The following MAN2B1 variants were observed in gnomAD, a reference collection of about 807,000 sequenced individuals.
MAN2B1 encodes mannosidase alpha class 2B member 1, also known as lysosomal alpha-mannosidase.
A neutral mutation model predicts 127.5 loss-of-function variants in MAN2B1; 99 were observed. That is an observed-to-expected ratio of 0.78 (90% confidence interval 0.66 to 0.92). MAN2B1 has a LOEUF of 0.92. MAN2B1 is among the 40% of genes least tolerant of loss of function. MAN2B1 has a pLI of 0.00. For missense variants in MAN2B1, 1,304 were observed against 1,384.8 expected (o/e 0.94, Z 0.93); for synonymous variants, 573 against 568.8 (o/e 1.01, Z -0.11).
rs1408334891 is a variant in MAN2B1, at chr19:12,666,640, G to T, written c.62C>A (p.Pro21His). The change falls in exon 1 of 24, where the codon CCC (proline) becomes CAC (histidine). Residue 21 changes from proline (P) to histidine (H), a missense_variant. Pro to His is a moderately conservative substitution (Grantham distance 77). Transcript: ENST00000456935. ...CARGCLDSAG[P>H]WTMSRALRPP... ...CCGCAGGGCGCGGGACATGGTCCAG[G>T]GGCCTGCTGAGTCCAGGCAGCCGCG... 1.5e-5 allele frequency: 23 copies of T among 1,554,274 alleles called. No homozygotes were observed. Among genetic ancestry groups the T allele is most frequent in the Non-Finnish European group, 2.0e-5 (23 of 1,149,076 alleles).
At chr19:12,649,809 C>G in intron 18 of MAN2B1, 104 bp downstream of exon 18, 1 of 1,011,380 alleles carries the variant, frequency 9.9e-7, no homozygotes, top group Non-Finnish European at 1.6e-6. Flanking sequence ...ACTCTCCCTT[C>G]GTCCTCTGTC....
At position 12,650,115 on chromosome 19, in the gene MAN2B1, C is replaced by A; in HGVS notation, c.2154G>T (p.Pro718=). The change falls in exon 17 of 24, where the codon CCG becomes CCT. Residue 718 remains proline, a synonymous_variant. Coordinates refer to ENST00000456935, the MANE Select transcript of MAN2B1 (RefSeq NM_000528.4). The stretch of plus-strand genomic sequence containing the variant: ...CCTGTGCCACTCACCCCACAGGTAT[C>A]GGCCCCACCGACCACTCTAGCTCCA... ...RHLELEWSVG[P]IPVGDTWGKE... is the part of the protein sequence containing the mutation. 1.2e-6 allele frequency: 2 copies of A among 1,613,838 alleles called. No individual in the cohort carries two copies. The highest frequency in any genetic ancestry group is 8.5e-7 in the Non-Finnish European group (1 of 1,179,836).
At position 12,647,240 on chromosome 19, in the gene MAN2B1, TG is replaced by T; in HGVS notation, c.2915del (p.Thr972LysfsTer61). 6.2e-7 allele frequency: 1 copy of T among 1,613,714 alleles called. No homozygotes were observed. Among genetic ancestry groups the T allele is most frequent in the Non-Finnish European group, 8.5e-7 (1 of 1,179,654 alleles). On this transcript the variant is annotated frameshift_variant, in exon 23 of 24. Transcript: ENST00000456935. LOFTEE classifies it low-confidence loss of function (END_TRUNC). The surrounding 1 kb of genome is among the most constrained non-coding windows in gnomAD (Gnocchi z 4.9). ...CCCTGACCAGGGCCCCACCTGTGTT[TG>T]TTGTCCACTTGAGCCTGGAGGCTGC... Reference protein sequence around the residue: ...REAASRLKWTTNTGPTPHQTP... With the variant: ...REAASRLKWTXNTGPTPHQTP...
At position 12,658,437 on chromosome 19, in the gene MAN2B1, T is replaced by G. The variant is rs771528526; in HGVS notation, c.1100A>C (p.Asn367Thr). 6.2e-7 allele frequency: 1 copy of G among 1,614,004 alleles called. No individual in the cohort carries two copies. The highest frequency in any genetic ancestry group is 1.7e-5 in the Admixed American group (1 of 59,980). ...ACYLWELNKA[N>T]LTWSVKHDDF... ...CAGTTTCCCCAAATACCAGGTGAGG[T>G]TGGCCTTGTTCAGCTCCCAGAGGTA... The change falls in exon 8 of 24, where the codon AAC becomes ACC. Residue 367 changes from asparagine (N) to threonine (T), a missense_variant. Physicochemically the swap from Asn to Thr is moderately conservative, Grantham distance 65 (BLOSUM62 0). Coordinates refer to ENST00000456935, the MANE Select transcript of MAN2B1 (RefSeq NM_000528.4).
At chr19:12,652,030 G>A (rs1829103161) in intron 16 of MAN2B1, 123 bp downstream of exon 16, 1 of 793,862 alleles carries the variant, frequency 1.3e-6, no homozygotes, top group Non-Finnish European at 2.3e-6. Flanking sequence ...GTGGGTCTTA[G>A]CCCACTGATC....
rs755287307 is a variant in MAN2B1, at chr19:12,647,608, A to G, written c.2665-10T>C. ...TGCGCAGCCCTGAGAACTGCGGGAG[A>G]GAGGGCGGGGCTGAGTTGGAGAGGG... On this transcript the variant is annotated splice_polypyrimidine_tract_variant and intron_variant, in intron 21 of 23. Coordinates refer to ENST00000456935, the MANE Select transcript of MAN2B1 (RefSeq NM_000528.4). The surrounding 1 kb of genome is among the most constrained non-coding windows in gnomAD (Gnocchi z 4.9). 1 of 1,586,534 alleles carries G rather than the reference A, an allele frequency of 6.3e-7. No individual in the cohort carries two copies. The highest frequency in any genetic ancestry group is 8.6e-7 in the Non-Finnish European group (1 of 1,163,124).
intron 13 of MAN2B1, chr19:12,656,092 T>G (rs1258616220): frequency 2.3e-5 from 10 of 433,400 alleles, no homozygotes; most frequent in Admixed American, 8.6e-5. Flanking sequence ...GGAGAGACCA[T>G]GGAGTCGGGG....
chr19:12,655,560 A>G, intron 14 of MAN2B1, 134 bp downstream of exon 14: 1 of 892,818 alleles, frequency 1.1e-6, no homozygotes, highest in Admixed American at 2.4e-5. Flanking sequence ...TCACTTGCTC[A>G]AGGACACACA....
intron 3 of MAN2B1, 101 bp downstream of exon 3, chr19:12,665,251 T>G: frequency 1.4e-6 from 2 of 1,438,130 alleles, no homozygotes; most frequent in Non-Finnish European, 1.9e-6. Flanking sequence ...GACACGCATG[T>G]TATACAGCTT....
Position 12,652,429 on chromosome 19 carries a change from C to G in MAN2B1, c.1862G>C (p.Gly621Ala), listed in dbSNP as rs1295850283. Residue 621 changes from glycine (G) to alanine (A), a missense_variant, in exon 15 of 24, where the codon GGG (glycine) becomes GCG (alanine). Physicochemically the swap from Gly to Ala is moderately conservative, Grantham distance 60. Coordinates refer to ENST00000456935, the MANE Select transcript of MAN2B1 (RefSeq NM_000528.4). ...CATGTTCATAATCTCCATCAACAGCCCTGTGTCAGGATCAAACGTTGCCCG... is the reference window on the plus strand; with the variant it reads ...CATGTTCATAATCTCCATCAACAGCGCTGTGTCAGGATCAAACGTTGCCCG... ...HIRATFDPDT[G>A]LLMEIMNMNQ... The G allele has an allele frequency of 6.2e-7, 1 of 1,614,076 alleles. No homozygotes were observed. Among genetic ancestry groups the G allele is most frequent in the East Asian group, 2.2e-5 (1 of 44,888 alleles).
At position 12,655,853 on chromosome 19, in the gene MAN2B1, G is replaced by A; in HGVS notation, c.1671C>T (p.Ser557=). 6.2e-7 allele frequency: 1 copy of A among 1,613,906 alleles called. No homozygotes were observed. The highest frequency in any genetic ancestry group is 8.5e-7 in the Non-Finnish European group (1 of 1,180,004). The change falls in exon 14 of 24, where the codon AGC becomes AGT. Residue 557 remains serine, a synonymous_variant. Transcript: ENST00000456935. ...SDVVIFPSSD[S]QAHPPELLFS... is the part of the protein sequence containing the mutation. ...ACAGCAGCTCCGGAGGGTGCGCCTG[G>A]CTGTCTGAGCTGGGAAATATTACCA... is the stretch of plus-strand genomic sequence containing the variant.
intron 5 of MAN2B1, 67 bp from the exon 6 acceptor site, chr19:12,663,529 A>G: frequency 6.2e-7 from 1 of 1,600,378 alleles, no homozygotes; most frequent in African/African-American, 1.3e-5. Context: ...AAAGCCGGCC[A>G]TGTCCCACCC....
At chr19:12,652,616 CCA>C (rs1568300792) in intron 14 of MAN2B1, among the ~76,000 whole-genome samples, 156 bp from the exon 15 acceptor site, 2 of 151,486 alleles carry the variant, frequency 1.3e-5, no homozygotes, top group Non-Finnish European at 2.9e-5. Flanking sequence ...ACTGCACCCC[CCA>C]CCTCCCGGGT....
In MAN2B1 at chr19:12,658,246, C is replaced by T. The variant is rs2024020626; in HGVS notation, c.1208G>A (p.Arg403His). 3.7e-6 allele frequency: 6 copies of T among 1,613,982 alleles called. No individual in the cohort carries two copies. The highest frequency in any genetic ancestry group is 5.1e-6 in the Non-Finnish European group (6 of 1,180,018). Reference sequence around the variant, plus strand: ...CACCTGCAGGAAGTTGTAGCTGAGGCGCTCGTAGCGTTTGAGGGCCGGCCG... The same window carrying T: ...CACCTGCAGGAAGTTGTAGCTGAGGTGCTCGTAGCGTTTGAGGGCCGGCCG... ...SSRPALKRYE[R>H]LSYNFLQVCN... The change falls in exon 9 of 24, where the codon CGC becomes CAC. Residue 403 changes from arginine (R) to histidine (H), a missense_variant. Arg to His is a conservative substitution (Grantham distance 29). Coordinates refer to ENST00000456935, the MANE Select transcript of MAN2B1 (RefSeq NM_000528.4).
chr19:12,657,468 G>T lies in MAN2B1; in HGVS notation c.1397C>A (p.Ala466Glu), dbSNP rs772018545. ...HVANDYARQL[A>E]AGWGPCEVLL... ...CACCTCGCAAGGCCCCCAGCCTGCC[G>T]CAAGCTGGCGCGCGTAGTCGTTGGC... Residue 466 changes from alanine to glutamate, a missense_variant, in exon 11 of 24, where the codon GCG becomes GAG. Ala to Glu is a moderately radical substitution (Grantham distance 107, BLOSUM62 -1). Transcript: ENST00000456935. The T allele has an allele frequency of 1.3e-6, 2 of 1,558,382 alleles. No individual in the cohort carries two copies. The highest frequency in any genetic ancestry group is 1.7e-6 in the Non-Finnish European group (2 of 1,152,032).
At chr19:12,646,914 T>TC (rs1172861688) in intron 23 of MAN2B1, 182 bp from the exon 24 acceptor site, 1 of 621,892 alleles carries the variant, frequency 1.6e-6, no homozygotes, top group Non-Finnish European at 2.9e-6. Context: ...TCCAATGTCC[T>TC]CATACCCTCA....
Position 12,646,615 on chromosome 19 carries a change from C to G in MAN2B1, c.*5G>C, listed in dbSNP as rs772880923. 6.2e-7 allele frequency: 1 copy of G among 1,605,480 alleles called. No homozygotes were observed. The highest frequency in any genetic ancestry group is 1.7e-5 in the Admixed American group (1 of 60,004). ...CTTGGGCTTGGAGGGCCCATCCCAG[C>G]AGACCTAACCATCCACCTCCTTCCA... On this transcript the variant is annotated 3_prime_UTR_variant, in exon 24 of 24. Transcript: ENST00000456935.
At position 12,649,148 on chromosome 19, in the gene MAN2B1, C is replaced by G. The variant is rs762947868; in HGVS notation, c.2424G>C (p.Ser808=). Residue 808 remains serine, a synonymous_variant, in exon 20 of 24, where the codon TCG becomes TCC. Transcript: ENST00000456935. ...CTGACCCACTCACCATGAGCTCCAG[C>G]GAGCCATCTCTCAGGCTGCTGCCCC... The part of the protein sequence containing the change: ...SQGGSSLRDG[S]LELMVHRRLL... 1.9e-6 allele frequency: 3 copies of G among 1,612,122 alleles called. No individual in the cohort carries two copies.
At chr19:12,665,106 G>T in intron 3 of MAN2B1, 121 bp from the exon 4 acceptor site, 1 of 1,100,408 alleles carries the variant, frequency 9.1e-7, no homozygotes, top group Non-Finnish European at 1.4e-6. Flanking sequence ...GACAAGAGGG[G>T]TCGCTCCCAG....
Sources: gnomAD v4.1 joint callset for allele counts (sites outside exome capture counted in the v4.1 genomes callset) on GRCh38, gnomAD v4.1.1 for gene constraint, Gnocchi (gnomAD v3.1) non-coding constraint, MANE v1.5 for transcripts, NCBI Gene and HGNC (gene_info 2026-07-23, HGNC 2026-07-21) for gene names.